Variants in ZNF438 observed in about 807,000 individuals in gnomAD.
ZNF438 encodes the protein zinc finger protein 438.
In ZNF438, 25 loss-of-function variants were observed where a neutral mutation model predicts 38.0. That is an observed-to-expected ratio of 0.66 (90% CI 0.48 to 0.92). ZNF438 has a LOEUF of 0.92. Ranked by LOEUF, ZNF438 falls within the 40% of genes least tolerant of loss-of-function variation. The pLI, the probability that ZNF438 is intolerant of heterozygous loss-of-function variation, is 0.00. For synonymous variants in ZNF438, 372 were observed against 364.1 expected, an observed-to-expected ratio of 1.02 and a Z score of -0.25; for missense variants, 1,007 against 999.6, an observed-to-expected ratio of 1.01 and a Z score of -0.10.
At chr10:30,985,042 T>C (rs2052615797) in intron 1 of ZNF438, among the ~76,000 whole-genome samples, 1 of 152,218 alleles carries the variant, frequency 6.6e-6, no homozygotes, top group Admixed American at 6.5e-5. Context: ...GTGAGATGCA[T>C]GTGCAATGAA....
At chr10:30,886,669 A>C (rs2039989069) in intron 3 of ZNF438, among the ~76,000 whole-genome samples, 1 of 152,216 alleles carries the variant, frequency 6.6e-6, no homozygotes, top group African/African-American at 2.4e-5. Context: ...GCTAAAAGTG[A>C]TAAACAGAAT....
At chr10:31,010,892 GAAAAAAAAAAAA>G (rs563189482) in intron 1 of ZNF438, among the ~76,000 whole-genome samples, 1,916 of 92,564 alleles carry the variant, frequency 0.021, 41 homozygotes, top group African/African-American at 0.024. Flanking sequence ...GACCCTGTTT[GAAAAAAAAAAAA>G]AAAAAAAAAA....
At chr10:30,897,727 C>T (rs1220035522) in intron 3 of ZNF438, among the ~76,000 whole-genome samples, 3 of 152,214 alleles carry the variant, frequency 2.0e-5, no homozygotes, top group Non-Finnish European at 4.4e-5. Context: ...CTGGGATCTT[C>T]AAGACCTGGG....
chr10:30,963,085 G>A (rs1276744365), intron 1 of ZNF438, among the ~76,000 whole-genome samples: 3 of 152,036 alleles, frequency 2.0e-5, no homozygotes, highest in Non-Finnish European at 4.4e-5. Context: ...ATTAGTACAT[G>A]CTTTATTGTG....
chr10:31,023,988 C>T (rs1052500281), intron 1 of ZNF438, among the ~76,000 whole-genome samples: 10 of 152,174 alleles, frequency 6.6e-5, no homozygotes, highest in African/African-American at 2.4e-4. Context: ...GTATGGTTTA[C>T]CAAAACTCAG....
chr10:31,005,295 A>T (rs946050608), intron 1 of ZNF438, among the ~76,000 whole-genome samples: 5 of 152,216 alleles, frequency 3.3e-5, no homozygotes, highest in African/African-American at 1.2e-4. Flanking sequence ...ATATATATGT[A>T]CATGCACGTA....
intron 1 of ZNF438, among the ~76,000 whole-genome samples, chr10:31,026,094 T>G (rs905756069): frequency 6.6e-6 from 1 of 152,144 alleles, no homozygotes; most frequent in Non-Finnish European, 1.5e-5. Context: ...TAATTCAAGA[T>G]GGATTAAAGA....
intron 3 of ZNF438, among the ~76,000 whole-genome samples, chr10:30,887,545 C>T (rs1054646039): frequency 1.9e-4 from 29 of 152,058 alleles, no homozygotes; most frequent in Non-Finnish European, 2.9e-4. Context: ...CCAGCCATCA[C>T]GTCCAGCTAA....
chr10:30,856,765 C>G (rs2034698535), intron 4 of ZNF438, among the ~76,000 whole-genome samples: 1 of 152,104 alleles, frequency 6.6e-6, no homozygotes, highest in African/African-American at 2.4e-5. Flanking sequence ...AAGTGTCGCT[C>G]AGTAAAATTA....
At chr10:30,846,302 T>C (rs901198296) in intron 5 of ZNF438, among the ~76,000 whole-genome samples, 2 of 152,212 alleles carry the variant, frequency 1.3e-5, no homozygotes, top group African/African-American at 4.8e-5. Flanking sequence ...CCGGGACTTG[T>C]GGGGCTAGTC....
chr10:31,004,458 G>C (rs1228656466), intron 1 of ZNF438, among the ~76,000 whole-genome samples: 1 of 152,150 alleles, frequency 6.6e-6, no homozygotes, highest in African/African-American at 2.4e-5. Context: ...GTTTCCAAAA[G>C]GAAGCAATGG....
In ZNF438 at chr10:30,848,961, T is replaced by C. The variant is rs779700542; in HGVS notation, c.1444A>G (p.Lys482Glu). 1.1e-5 allele frequency: 17 copies of C among 1,614,090 alleles called. No homozygotes were observed. The Admixed American group carries it at 2.5e-4, about 24-fold the overall frequency. The change falls in exon 5 of 6, where the codon AAG becomes GAG. Residue 482 changes from lysine (K) to glutamate (E), a missense_variant. Coordinates refer to ENST00000413025, the Ensembl canonical transcript of ZNF438. ...TTAGGGGAAGAGCTGTTGTCTTGCT[T>C]ACAGCCAAGATATTTAGGAGTGAGT... is the stretch of plus-strand genomic sequence containing the variant.
Position 30,849,220 on chromosome 10 carries a change from T to C in ZNF438, c.1185A>G (p.Ala395=), listed in dbSNP as rs780185618. 8 of 1,614,132 alleles carry C rather than the reference T, an allele frequency of 5.0e-6. No individual in the cohort carries two copies. The East Asian group carries it at 1.6e-4, about 31-fold the overall frequency. ...TATATTTCCTCCTTTTTCCCTGAAA[T>C]GCCAAAATTTCATCTGGTACCTTCC... The change falls in exon 5 of 6, where the codon GCA becomes GCG. Residue 395 remains alanine, a synonymous_variant. Coordinates refer to ENST00000413025, the Ensembl canonical transcript of ZNF438.
chr10:30,845,326 C>T lies in ZNF438; in HGVS notation c.2122G>A (p.Gly708Arg), dbSNP rs1490554394. ...GAGGAATGAACCTTCTCCGGCTTCC[C>T]TCTCTCAGGATGCCTTTTCCAGTCG... The change falls in exon 6 of 6, where the codon GGG (glycine) becomes AGG (arginine). Residue 708 changes from glycine (G) to arginine (R), a missense_variant. By Grantham distance (125) the Gly-to-Arg change is moderately radical. Coordinates refer to ENST00000413025, the Ensembl canonical transcript of ZNF438. The T allele has an allele frequency of 1.9e-6, 3 of 1,614,182 alleles. No individual in the cohort carries two copies. The South Asian group carries it at 3.3e-5, about 18-fold the overall frequency.
chr10:30,875,264 A>T (rs539642451), intron 4 of ZNF438: 1 of 985,452 alleles, frequency 1.0e-6, no homozygotes, highest in African/African-American at 1.7e-5. Flanking sequence ...AAGAGGTGTG[A>T]GTGCTTTCTC....
intron 4 of ZNF438, among the ~76,000 whole-genome samples, chr10:30,859,993 T>C (rs2035309869): frequency 6.6e-6 from 1 of 152,164 alleles, no homozygotes; most frequent in South Asian, 2.1e-4. Flanking sequence ...CTTCTGTCCC[T>C]GGCCCTTCAT....
intron 1 of ZNF438, among the ~76,000 whole-genome samples, chr10:31,028,527 A>G (rs2057084011): frequency 6.6e-6 from 1 of 152,186 alleles, no homozygotes; most frequent in Non-Finnish European, 1.5e-5. Context: ...ATCCTGCAAC[A>G]GCTTAGGCAT....
At chr10:30,981,865 G>C (rs959250897) in intron 1 of ZNF438, among the ~76,000 whole-genome samples, 13 of 147,484 alleles carry the variant, frequency 8.8e-5, no homozygotes, top group South Asian at 4.3e-4. Flanking sequence ...GTGACAGAGC[G>C]AGACTCCATC....
rs533234721 is a variant in ZNF438 at position 31,014,473 on chromosome 10, C to T, written c.-192+17360G>A. On this transcript the variant is annotated intron_variant, in intron 1 of 5. Coordinates refer to ENST00000413025, the Ensembl canonical transcript of ZNF438. ...AAGCGCACTATTCACATCATGAGGG[C>T]CCCACCTTCAGGCCCTCATCTAAAC... Among the ~76,000 whole-genome samples the T allele has an allele frequency of 2.6e-5, 4 of 152,242 alleles. No homozygotes were observed. In the East Asian group the frequency reaches 7.7e-4, roughly 29 times the overall value.
Sources: allele counts gnomAD v4.1 joint callset (sites outside exome capture counted in the v4.1 genomes callset), GRCh38; gene constraint gnomAD v4.1.1; transcripts MANE v1.5; gene names NCBI Gene and HGNC (gene_info 2026-07-23, HGNC 2026-07-21).